FHIP1A: variants seen among roughly 807,000 people sequenced by gnomAD.
FHIP1A encodes FHF complex subunit HOOK interacting protein 1A.
A neutral mutation model predicts 88.6 loss-of-function variants in FHIP1A; 61 were observed. The ratio of observed to expected loss-of-function variants is 0.69; its 90% CI spans 0.56 to 0.85. The LOEUF (loss-of-function observed/expected upper bound fraction) is 0.85. Among genes scored for constraint, FHIP1A ranks in the 40% least tolerant of loss-of-function variants. FHIP1A has a pLI of 0.00. For missense variants in FHIP1A, 1,154 were observed against 1,273.5 expected, an observed-to-expected ratio of 0.91 and a Z score of 1.43; for synonymous variants, 478 against 496.0, an observed-to-expected ratio of 0.96 and a Z score of 0.48.
intron 7 of FHIP1A, among the ~76,000 whole-genome samples, chr4:151,623,502 TC>T (rs1348480069): frequency 7.7e-6 from 1 of 130,372 alleles, no homozygotes; most frequent in Non-Finnish European, 1.6e-5. Context: ...CCACCAACAC[TC>T]CCGCTGACTT....
At chr4:151,573,662 G>C (rs1189455209) in intron 4 of FHIP1A, among the ~76,000 whole-genome samples, 1 of 151,946 alleles carries the variant, frequency 6.6e-6, no homozygotes, top group East Asian at 1.9e-4. Context: ...GAGAGTATAA[G>C]ACAGCTGGTA....
chr4:151,440,898 C>T (rs1004380508), intron 1 of FHIP1A, among the ~76,000 whole-genome samples: 1 of 152,128 alleles, frequency 6.6e-6, no homozygotes, highest in African/African-American at 2.4e-5. Flanking sequence ...TGCCCCTTGT[C>T]AGTTATCTGC....
In FHIP1A at chr4:151,524,163, G is replaced by A. The variant is rs774992719; in HGVS notation, c.-123+41515G>A. 8.5e-5 allele frequency among the ~76,000 whole-genome samples: 13 copies of A among 152,200 alleles called. 1 individual carries two copies. The highest frequency in any genetic ancestry group is 1.0e-4 in the Non-Finnish European group (7 of 68,012). On this transcript the variant is annotated intron_variant, in intron 3 of 13. Transcript: ENST00000435205. Reference sequence around the variant, plus strand: ...TGTCTCTACAAAAAATTAGCTGGGCGTGGTGGCACGCGCCTGTAATCCCAG... The same window carrying A: ...TGTCTCTACAAAAAATTAGCTGGGCATGGTGGCACGCGCCTGTAATCCCAG...
rs1258555636 is a variant in FHIP1A at position 151,662,933 on chromosome 4, C to A, written c.*179C>A. 3.4e-6 allele frequency: 2 copies of A among 595,752 alleles called. No individual in the cohort carries two copies. Among genetic ancestry groups the A allele is most frequent in the Non-Finnish European group, 5.5e-6 (2 of 364,624 alleles). The allele number at this position is 595,752 out of a possible 1,614,324, so 36.9% of individuals were successfully genotyped here. A position where few individuals can be genotyped will look rare whatever the true frequency, so the allele number is the denominator to read the frequency against. The stretch of plus-strand genomic sequence containing the variant: ...TCTCTCTCTAGCCGGGCCTTTCCAC[C>A]TTATGTTATATATAGAATGTAAGTC... On this transcript the variant is annotated 3_prime_UTR_variant, in exon 14 of 14. Transcript: ENST00000435205.
intron 3 of FHIP1A, among the ~76,000 whole-genome samples, chr4:151,486,160 A>G (rs1730074869): frequency 6.6e-6 from 1 of 152,076 alleles, no homozygotes; most frequent in Non-Finnish European, 1.5e-5. Flanking sequence ...TCAGGAAGTA[A>G]AGCTCACCCA....
chr4:151,462,119 C>A (rs1703069034), intron 2 of FHIP1A, among the ~76,000 whole-genome samples: 1 of 152,134 alleles, frequency 6.6e-6, no homozygotes, highest in Non-Finnish European at 1.5e-5. Flanking sequence ...TGTGATCATA[C>A]CACTGTACTC....
intron 9 of FHIP1A, among the ~76,000 whole-genome samples, chr4:151,642,913 T>C (rs4696280): frequency 0.29 from 42,506 of 149,048 alleles, 6,265 homozygotes; most frequent in Non-Finnish European, 0.33. Flanking sequence ...ATATATATGA[T>C]ACATATTTTA....
chr4:151,527,921 A>C (rs901604677), intron 3 of FHIP1A, among the ~76,000 whole-genome samples: 1 of 152,150 alleles, frequency 6.6e-6, no homozygotes, highest in African/African-American at 2.4e-5. Context: ...ACCTTGGGCT[A>C]TTGCCACTCA....
At chr4:151,483,286 C>T (rs948495322) in intron 3 of FHIP1A, among the ~76,000 whole-genome samples, 2 of 151,368 alleles carry the variant, frequency 1.3e-5, no homozygotes, top group Non-Finnish European at 2.9e-5. Flanking sequence ...TATAATTTGC[C>T]TCTATAAATG....
In FHIP1A at chr4:151,629,741, G is replaced by T. The variant is rs1560808865; in HGVS notation, c.1018G>T (p.Asp340Tyr). 1 of 1,551,288 alleles carries T rather than the reference G, an allele frequency of 6.4e-7. No homozygotes were observed. The highest frequency in any genetic ancestry group is 1.2e-5 in the South Asian group (1 of 84,020). ...EEVMTTTAYL[D>Y]LFLRSISEPA... Reference sequence around the variant, plus strand: ...GGTCATGACCACAACTGCATATCTGGACCTTTTCCTGCGTAGCATCTCCGA... The same window carrying T: ...GGTCATGACCACAACTGCATATCTGTACCTTTTCCTGCGTAGCATCTCCGA... Residue 340 changes from aspartate to tyrosine, a missense_variant, in exon 8 of 14, where the codon GAC (aspartate) becomes TAC (tyrosine). By Grantham distance (160) the Asp-to-Tyr change is radical (BLOSUM62 -3). Coordinates refer to ENST00000435205, the MANE Select transcript of FHIP1A (RefSeq NM_001109977.3).
chr4:151,497,563 A>G (rs972213349), intron 3 of FHIP1A, among the ~76,000 whole-genome samples: 2 of 152,222 alleles, frequency 1.3e-5, no homozygotes, highest in Non-Finnish European at 2.9e-5. Context: ...TGTCACAACC[A>G]GGGGTGATTT....
At chr4:151,512,818 A>G (rs565678781) in intron 3 of FHIP1A, among the ~76,000 whole-genome samples, 19 of 152,374 alleles carry the variant, frequency 1.2e-4, no homozygotes, top group African/African-American at 4.6e-4. Flanking sequence ...GACCAAGTCT[A>G]CCGCTGATTG....
At chr4:151,413,661 G>A (rs1015910544) in intron 1 of FHIP1A, among the ~76,000 whole-genome samples, 1 of 151,930 alleles carries the variant, frequency 6.6e-6, no homozygotes, top group African/African-American at 2.4e-5. Context: ...CACCATGTTG[G>A]CCAGGCTGGT....
chr4:151,542,615 C>T (rs1732338079), intron 3 of FHIP1A, among the ~76,000 whole-genome samples: 1 of 152,170 alleles, frequency 6.6e-6, no homozygotes, highest in Non-Finnish European at 1.5e-5. Context: ...TAACTATGCT[C>T]AGAATTCTTT....
At position 151,655,338 on chromosome 4, in the gene FHIP1A, C is replaced by G. The variant is rs552103788; in HGVS notation, c.2552-894C>G. On this transcript the variant is annotated intron_variant, in intron 11 of 13. Transcript: ENST00000435205. ...TAATGCCAGATTTATTTTTGGTTTT[C>G]CCCTGCCCTCAATGAACTCAAAGCA... Among the ~76,000 whole-genome samples, 5 of 152,250 alleles carry G rather than the reference C, an allele frequency of 3.3e-5. No individual in the cohort carries two copies. The South Asian group carries it at 1.0e-3, about 32-fold the overall frequency.
rs1007207972 is a variant in FHIP1A at position 151,443,757 on chromosome 4, T to G, written c.-355-10944T>G. On this transcript the variant is annotated intron_variant, in intron 1 of 13. Transcript: ENST00000435205. ...TGGGTTGTCTGCTGGCCAGCTTTTC[T>G]TCACCCCCAAAATGCCGTGAGGAAG... Among the ~76,000 whole-genome samples the G allele has an allele frequency of 1.7e-4, 26 of 149,536 alleles. No individual in the cohort carries two copies. In the Admixed American group the frequency reaches 1.7e-3, roughly 10 times the overall value.
chr4:151,592,079 G>A (rs182985316), intron 7 of FHIP1A, among the ~76,000 whole-genome samples: 78 of 152,050 alleles, frequency 5.1e-4, no homozygotes, highest in African/African-American at 1.7e-3. Context: ...TTACACTCCC[G>A]CCAACAGTAT....
intron 3 of FHIP1A, among the ~76,000 whole-genome samples, chr4:151,527,515 A>G (rs552965862): frequency 6.6e-6 from 1 of 152,146 alleles, no homozygotes; most frequent in South Asian, 2.1e-4. Context: ...GAGACCGTTT[A>G]AAGAGAGGGA....
intron 2 of FHIP1A, among the ~76,000 whole-genome samples, chr4:151,469,257 A>G (rs1356842048): frequency 6.6e-6 from 1 of 152,204 alleles, no homozygotes; most frequent in African/African-American, 2.4e-5. Flanking sequence ...GCGTTACTGT[A>G]TACATTAAGT....
Sources: gnomAD v4.1 joint callset for allele counts (sites outside exome capture counted in the v4.1 genomes callset) on GRCh38, gnomAD v4.1.1 for gene constraint, MANE v1.5 for transcripts, NCBI Gene and HGNC (gene_info 2026-07-23, HGNC 2026-07-21) for gene names.